The following RAB3IP variants were observed in gnomAD, a reference collection of about 807,000 sequenced individuals.
The protein encoded by RAB3IP is RAB3A interacting protein.
In RAB3IP, 36 loss-of-function variants were observed where a neutral mutation model predicts 59.1. That is an observed-to-expected ratio of 0.61 (90% CI 0.47 to 0.80). RAB3IP has a LOEUF of 0.80. RAB3IP is among the 30% of genes least tolerant of loss of function. RAB3IP has a pLI of 0.00. For missense variants in RAB3IP, 511 were observed against 536.0 expected (o/e 0.95, Z 0.46); for synonymous variants, 207 against 191.2 (o/e 1.08, Z -0.68).
At chr12:69,811,189 A>G (rs1417059681) in intron 8 of RAB3IP, among the ~76,000 whole-genome samples, 2 of 152,170 alleles carry the variant, frequency 1.3e-5, no homozygotes, top group African/African-American at 4.8e-5. Flanking sequence ...TGATGAGAAC[A>G]CATGGACACA....
At chr12:69,800,153 G>T in intron 6 of RAB3IP, 56 bp from the exon 7 acceptor site, 1 of 1,384,650 alleles carries the variant, frequency 7.2e-7, no homozygotes, top group South Asian at 1.8e-5. Flanking sequence ...TTGTAAAGCG[G>T]TTTTTATGTT....
intron 3 of RAB3IP, among the ~76,000 whole-genome samples, chr12:69,779,745 T>C (rs1404131901): frequency 6.6e-6 from 1 of 152,112 alleles, no homozygotes; most frequent in East Asian, 1.9e-4. Context: ...GAATTGTTTA[T>C]CTGTATTTTC....
At chr12:69,761,655 A>C (rs1445152524) in intron 3 of RAB3IP, among the ~76,000 whole-genome samples, 1 of 152,218 alleles carries the variant, frequency 6.6e-6, no homozygotes, top group African/African-American at 2.4e-5. Flanking sequence ...GCTCATGATT[A>C]TATCTTGAGC....
intron 8 of RAB3IP, among the ~76,000 whole-genome samples, chr12:69,809,799 G>A (rs763261841): frequency 1.3e-5 from 2 of 152,032 alleles, no homozygotes; most frequent in East Asian, 1.9e-4. Context: ...TTATCCATTC[G>A]TCTAATTTTT....
chr12:69,779,812 A>G (rs991213706), intron 3 of RAB3IP, among the ~76,000 whole-genome samples: 1 of 152,100 alleles, frequency 6.6e-6, no homozygotes, highest in Non-Finnish European at 1.5e-5. Flanking sequence ...CTGACAGATC[A>G]CACATCTCCA....
rs534924093 is a variant in RAB3IP at position 69,752,295 on chromosome 12, A to G, written c.-25-3089A>G. Among the ~76,000 whole-genome samples, 5 of 150,500 alleles carry G rather than the reference A, an allele frequency of 3.3e-5. No individual in the cohort carries two copies. The South Asian group carries it at 1.1e-3, about 32-fold the overall frequency. ...TTGGGATTACAAGTGTGAGCCACTG[A>G]ACCTAGCCTTTCCATTAAAAAAAAA... On this transcript the variant is annotated intron_variant, in intron 1 of 10. Coordinates refer to ENST00000247833, the MANE Select transcript of RAB3IP (RefSeq NM_022456.5).
At chr12:69,750,037 G>A (rs1017703553) in intron 1 of RAB3IP, among the ~76,000 whole-genome samples, 6 of 152,198 alleles carry the variant, frequency 3.9e-5, no homozygotes, top group African/African-American at 1.2e-4. Flanking sequence ...TAGAACAGTG[G>A]AACAATGGAG....
intron 3 of RAB3IP, among the ~76,000 whole-genome samples, chr12:69,760,916 T>G (rs912013049): frequency 7.2e-5 from 11 of 152,206 alleles, no homozygotes; most frequent in Admixed American, 5.9e-4. Flanking sequence ...TTATTGAGCT[T>G]CTTGAAGCTG....
At chr12:69,771,268 T>C (rs1043536457) in intron 3 of RAB3IP, among the ~76,000 whole-genome samples, 1 of 152,222 alleles carries the variant, frequency 6.6e-6, no homozygotes, top group African/African-American at 2.4e-5. Context: ...TAGTGGCTTA[T>C]GCCTGTAATC....
intron 1 of RAB3IP, among the ~76,000 whole-genome samples, chr12:69,753,065 C>G (rs1352279533): frequency 6.6e-6 from 1 of 152,104 alleles, no homozygotes; most frequent in African/African-American, 2.4e-5. Flanking sequence ...AAGAATAAAT[C>G]ATTTGCTATT....
chr12:69,790,352 C>T (rs1212516459), intron 4 of RAB3IP, among the ~76,000 whole-genome samples: 3 of 152,006 alleles, frequency 2.0e-5, no homozygotes, highest in Non-Finnish European at 4.4e-5. Flanking sequence ...ATAAACCTAA[C>T]CAAAGAGGCA....
At chr12:69,741,349 C>T (rs903988258) in intron 1 of RAB3IP, among the ~76,000 whole-genome samples, 1 of 152,216 alleles carries the variant, frequency 6.6e-6, no homozygotes, top group Non-Finnish European at 1.5e-5. Context: ...TGGCCAGTGA[C>T]AGAGCCGGTA....
At chr12:69,738,596 GAC>G (rs1366317920), upstream of RAB3IP, 3 of 81,564 alleles carry the variant, frequency 3.7e-5, no homozygotes, top group African/African-American at 9.8e-5. Flanking sequence ...GCGCGGGCCC[GAC>G]GAAACAGAGC....
At chr12:69,811,224 G>C (rs1180314010) in intron 8 of RAB3IP, among the ~76,000 whole-genome samples, 1 of 152,078 alleles carries the variant, frequency 6.6e-6, no homozygotes, top group East Asian at 1.9e-4. Flanking sequence ...ACACACTGCC[G>C]CTTGTGGAAG....
rs771347061 is a variant in RAB3IP at position 69,820,777 on chromosome 12, G to C, written c.*5331G>C. On this transcript the variant is annotated 3_prime_UTR_variant, in exon 11 of 11. Coordinates refer to ENST00000247833, the MANE Select transcript of RAB3IP (RefSeq NM_022456.5). ...GGAGGCTGAGTCAGGAGAAACGCTC[G>C]AACCCAGGAGGCAGAGGTTGTGGTG... is the stretch of plus-strand genomic sequence containing the variant. The C allele has an allele frequency of 7.0e-6, 1 of 143,666 alleles. No homozygotes were observed. The highest frequency in any genetic ancestry group is 7.4e-5 in the Admixed American group (1 of 13,514). The allele number at this position is 143,666 out of a possible 1,614,324, so 8.9% of individuals were successfully genotyped here. A position where few individuals can be genotyped will look rare whatever the true frequency, so the allele number is the denominator to read the frequency against.
chr12:69,752,745 CATAA>C (rs1251389134), intron 1 of RAB3IP, among the ~76,000 whole-genome samples: 1 of 152,082 alleles, frequency 6.6e-6, no homozygotes, highest in Non-Finnish European at 1.5e-5. Context: ...AAGAAAGAAT[CATAA>C]ATAGTTACTG....
At position 69,738,968 on chromosome 12, in the gene RAB3IP, A is replaced by C. The variant is rs1452451145; in HGVS notation, c.-89A>C. The C allele has an allele frequency of 6.6e-6, 1 of 152,118 alleles. No homozygotes were observed. Among genetic ancestry groups the C allele is most frequent in the Non-Finnish European group, 1.5e-5 (1 of 68,104 alleles). 9.4% of individuals were successfully genotyped at this position (152,118 alleles called of 1,614,324 possible). ...CTCCTCCGTTTCTCGCTGCTTCGGGACGCGCTCTCTGCGGCTCTGTGAGCG... is the reference window on the plus strand; with the variant it reads ...CTCCTCCGTTTCTCGCTGCTTCGGGCCGCGCTCTCTGCGGCTCTGTGAGCG... On this transcript the variant is annotated 5_prime_UTR_variant, in exon 1 of 11. Transcript: ENST00000247833.
intron 8 of RAB3IP, among the ~76,000 whole-genome samples, chr12:69,802,163 A>G (rs986061183): frequency 1.3e-5 from 2 of 151,602 alleles, no homozygotes; most frequent in Non-Finnish European, 2.9e-5. Context: ...TATTACACGT[A>G]TATGTGTAGC....
At chr12:69,754,696 A>G (rs889042351) in intron 1 of RAB3IP, among the ~76,000 whole-genome samples, 3 of 152,240 alleles carry the variant, frequency 2.0e-5, no homozygotes, top group African/African-American at 4.8e-5. Flanking sequence ...CTAGTTAGCT[A>G]TTTCACAATG....
Sources: gnomAD v4.1 joint callset for allele counts (sites outside exome capture counted in the v4.1 genomes callset) on GRCh38, gnomAD v4.1.1 for gene constraint, MANE v1.5 for transcripts, NCBI Gene and HGNC (gene_info 2026-07-23, HGNC 2026-07-21) for gene names.